RIN3: variants seen among roughly 807,000 people sequenced by gnomAD.
RIN3 encodes the protein Ras and Rab interactor 3.
Under a neutral mutation model 76.3 loss-of-function variants are expected in RIN3, and 54 were observed. The ratio of observed to expected loss-of-function variants is 0.71; its 90% CI spans 0.57 to 0.89. RIN3 has a LOEUF of 0.89. Among genes scored for constraint, RIN3 ranks in the 40% least tolerant of loss-of-function variants. The pLI is 0.00. For missense variants in RIN3, 1,256 were observed against 1,322.1 expected, an observed-to-expected ratio of 0.95 and a Z score of 0.78; for synonymous variants, 576 against 564.0, an observed-to-expected ratio of 1.02 and a Z score of -0.30.
chr14:92,581,812 T>C (rs1884551521), intron 3 of RIN3, among the ~76,000 whole-genome samples: 1 of 152,118 alleles, frequency 6.6e-6, no homozygotes, highest in South Asian at 2.1e-4. Context: ...GACCTCGGTA[T>C]AGAACTGGGC....
chr14:92,563,529 AG>A (rs1045195781), intron 2 of RIN3, among the ~76,000 whole-genome samples: 5 of 152,280 alleles, frequency 3.3e-5, no homozygotes, highest in Non-Finnish European at 7.4e-5. Flanking sequence ...TCTATAAGGG[AG>A]GAAACTCAGC....
At chr14:92,662,835 G>A (rs1235681820) in intron 7 of RIN3, among the ~76,000 whole-genome samples, 3 of 101,628 alleles carry the variant, frequency 3.0e-5, no homozygotes, top group Admixed American at 9.2e-5. Flanking sequence ...CAAACAGCAT[G>A]ATTTTTTTTT....
intron 7 of RIN3, among the ~76,000 whole-genome samples, chr14:92,673,834 G>T (rs562417894): frequency 7.6e-4 from 115 of 152,316 alleles, no homozygotes; most frequent in Non-Finnish European, 1.3e-3. Context: ...TCAGGCTGTT[G>T]TCTGTTTTAT....
chr14:92,651,412 G>A (rs948093143), intron 5 of RIN3, among the ~76,000 whole-genome samples, 170 bp from the exon 6 acceptor site: 3 of 149,230 alleles, frequency 2.0e-5, no homozygotes, highest in African/African-American at 7.5e-5. Flanking sequence ...GAAGTGGTGG[G>A]AGAGGTTTGA....
chr14:92,635,861 A>T (rs1380319879), intron 4 of RIN3, among the ~76,000 whole-genome samples: 3 of 152,228 alleles, frequency 2.0e-5, no homozygotes, highest in Non-Finnish European at 4.4e-5. Context: ...TCAAAAAAGA[A>T]AAAAGGAATA....
At chr14:92,673,126 C>T (rs1222578735) in intron 7 of RIN3, among the ~76,000 whole-genome samples, 1 of 150,050 alleles carries the variant, frequency 6.7e-6, no homozygotes, top group South Asian at 2.1e-4. Context: ...ACCAAAAATA[C>T]AAAAAGGAAA....
intron 4 of RIN3, among the ~76,000 whole-genome samples, chr14:92,619,104 T>A (rs991638037): frequency 3.3e-5 from 5 of 152,312 alleles, no homozygotes; most frequent in African/African-American, 1.2e-4. Context: ...TTGTAACACA[T>A]ATTAGTATTA....
chr14:92,546,718 C>CA (rs1463908980), intron 1 of RIN3, among the ~76,000 whole-genome samples: 1 of 151,798 alleles, frequency 6.6e-6, no homozygotes, highest in Non-Finnish European at 1.5e-5. Context: ...GGAGCTTTGC[C>CA]CCCCGCCCCC....
intron 5 of RIN3, 83 bp from the exon 6 acceptor site, chr14:92,651,499 A>AGC: frequency 2.3e-6 from 1 of 431,572 alleles, no homozygotes; most frequent in Non-Finnish European, 4.5e-6. Flanking sequence ...CCACCCGTGG[A>AGC]CCCCGCCCAC....
At chr14:92,564,805 G>A (rs1897872218) in intron 2 of RIN3, among the ~76,000 whole-genome samples, 1 of 152,202 alleles carries the variant, frequency 6.6e-6, no homozygotes, top group Non-Finnish European at 1.5e-5. Context: ...GATGAAAAAT[G>A]GAGGAAACGC....
At chr14:92,612,620 C>T (rs578044715) in intron 3 of RIN3, among the ~76,000 whole-genome samples, 3 of 152,236 alleles carry the variant, frequency 2.0e-5, no homozygotes, top group Non-Finnish European at 4.4e-5. Flanking sequence ...CCAAACCCTG[C>T]CCCAGCATGC....
intron 1 of RIN3, among the ~76,000 whole-genome samples, chr14:92,541,977 T>C (rs1002703897): frequency 5.3e-5 from 8 of 152,310 alleles, no homozygotes; most frequent in South Asian, 2.1e-4. Context: ...GAATAAACAT[T>C]TCTCTGGGGA....
intron 8 of RIN3, among the ~76,000 whole-genome samples, chr14:92,680,748 C>T (rs1008956985): frequency 6.6e-6 from 1 of 152,184 alleles, no homozygotes; most frequent in Admixed American, 6.5e-5. Flanking sequence ...CGACAGAAAG[C>T]CTGCAAGTTG....
chr14:92,534,183 C>T (rs1418650563), intron 1 of RIN3, among the ~76,000 whole-genome samples: 3 of 151,390 alleles, frequency 2.0e-5, no homozygotes, highest in African/African-American at 7.3e-5. Context: ...CATCTCAGCC[C>T]TATGGGTATG....
chr14:92,621,425 G>A (rs1459630056), intron 4 of RIN3, among the ~76,000 whole-genome samples: 1 of 152,092 alleles, frequency 6.6e-6, no homozygotes, highest in Non-Finnish European at 1.5e-5. Context: ...CAAGGTGGTT[G>A]GGGTGCAGCT....
intron 3 of RIN3, among the ~76,000 whole-genome samples, chr14:92,584,194 A>G (rs1884679564): frequency 6.6e-6 from 1 of 152,348 alleles, no homozygotes; most frequent in East Asian, 1.9e-4. Flanking sequence ...CACAGATACC[A>G]AGGGACAATT....
At chr14:92,663,225 C>T (rs531453746) in intron 7 of RIN3, among the ~76,000 whole-genome samples, 64 of 152,320 alleles carry the variant, frequency 4.2e-4, no homozygotes, top group African/African-American at 1.5e-3. Context: ...ACATAGTTAT[C>T]GTCCTTGTGG....
chr14:92,561,145 TTTTATATA>T (rs1566843426), intron 2 of RIN3, among the ~76,000 whole-genome samples: 4 of 45,266 alleles, frequency 8.8e-5, no homozygotes, highest in Non-Finnish European at 1.9e-4. Flanking sequence ...TTATATATAT[TTTTATATA>T]TATATTTATA....
intron 3 of RIN3, among the ~76,000 whole-genome samples, chr14:92,592,284 C>T (rs1885004047): frequency 6.6e-6 from 1 of 151,622 alleles, no homozygotes; most frequent in African/African-American, 2.4e-5. Context: ...GCCTGTAATC[C>T]CAGCTACTCG....
Sources: allele counts gnomAD v4.1 joint callset (sites outside exome capture counted in the v4.1 genomes callset), GRCh38; gene constraint gnomAD v4.1.1; transcripts MANE v1.5; gene names NCBI Gene and HGNC (gene_info 2026-07-23, HGNC 2026-07-21).